GTPBP1: variants seen among roughly 807,000 people sequenced by gnomAD.
GTPBP1 encodes GTP binding protein 1.
A neutral mutation model predicts 62.0 loss-of-function variants in GTPBP1; 23 were observed. The ratio of observed to expected loss-of-function variants is 0.37; its 90% CI spans 0.27 to 0.53. The LOEUF (loss-of-function observed/expected upper bound fraction) is 0.53. GTPBP1 is among the 20% of genes least tolerant of loss of function. GTPBP1 has a pLI of 0.89. For missense variants in GTPBP1, 640 were observed against 917.3 expected (o/e 0.70, Z 3.90); for synonymous variants, 344 against 364.4 (o/e 0.94, Z 0.64).
downstream of GTPBP1, chr22:38,741,134 CTT>C: frequency 2.0e-6 from 3 of 1,464,292 alleles, no homozygotes; most frequent in East Asian, 2.5e-5. Context: ...CTGTTAGCGT[CTT>C]TGCTTAACCA....
chr22:38,742,503 G>T, downstream of GTPBP1: 1 of 1,613,438 alleles, frequency 6.2e-7, no homozygotes, highest in Non-Finnish European at 8.5e-7. Context: ...AGCAGCAAGA[G>T]CTTCCAGACG....
downstream of GTPBP1, chr22:38,738,253 C>G (rs2092824337): frequency 6.2e-7 from 1 of 1,613,658 alleles, no homozygotes; most frequent in Non-Finnish European, 8.5e-7. This position sits in a 1 kb window ranked among gnomAD's most constrained non-coding sequence, Gnocchi z 6.6. Context: ...TGCTGCAGGT[C>G]TTCGTCAAAC....
At position 38,726,235 on chromosome 22, in the gene GTPBP1, G is replaced by T; in HGVS notation, c.1219-23G>T. The T allele has an allele frequency of 6.2e-7, 1 of 1,613,384 alleles. No individual in the cohort carries two copies. Among genetic ancestry groups the T allele is most frequent in the Non-Finnish European group, 8.5e-7 (1 of 1,179,526 alleles). The stretch of plus-strand genomic sequence containing the variant: ...GTCTGTGCTGGGGATGCACTTATGA[G>T]GCCAGGGTCTTCTCCTTGGCAGGGT... On this transcript the variant is annotated intron_variant, in intron 7 of 11. Coordinates refer to ENST00000216044, the MANE Select transcript of GTPBP1 (RefSeq NM_004286.5). This position sits in a 1 kb window ranked among gnomAD's most constrained non-coding sequence, Gnocchi z 4.1.
In GTPBP1 at chr22:38,724,419, G is replaced by A. The variant is rs755732776; in HGVS notation, c.1073+8G>A. On this transcript the variant is annotated splice_region_variant and intron_variant, in intron 6 of 11. Transcript: ENST00000216044. ...CAACTTCAGCTCTGAAAGGTAACGC[G>A]TGGGGAGCGCACACTTCAGACAGGC... The A allele has an allele frequency of 1.3e-5, 20 of 1,526,020 alleles. No individual in the cohort carries two copies. The South Asian group carries it at 1.3e-4, about 10-fold the overall frequency. 94.5% of individuals were successfully genotyped at this position (1,526,020 alleles called of 1,614,324 possible). A position where few individuals can be genotyped will look rare whatever the true frequency, so the allele number is the denominator to read the frequency against.
downstream of GTPBP1, chr22:38,742,623 C>A: frequency 6.6e-7 from 1 of 1,525,280 alleles, no homozygotes; most frequent in Non-Finnish European, 8.9e-7. Context: ...AAAGACCACC[C>A]CGACACAGCC....
In GTPBP1 at chr22:38,730,835, C is replaced by A; in HGVS notation, c.*131C>A. 1 of 571,132 alleles carries A rather than the reference C, an allele frequency of 1.8e-6. No individual in the cohort carries two copies. Among genetic ancestry groups the A allele is most frequent in the Non-Finnish European group, 3.1e-6 (1 of 327,282 alleles). 35.4% of individuals were successfully genotyped at this position (571,132 alleles called of 1,614,324 possible). On this transcript the variant is annotated 3_prime_UTR_variant, in exon 12 of 12. Transcript: ENST00000216044. The surrounding 1 kb of genome is among the most constrained non-coding windows in gnomAD (Gnocchi z 5.6). ...GCCACAGCCGGAGCCTCCGCATTGC[C>A]CCCACCCCCATTTTCCAGGGGGGTT... is the stretch of plus-strand genomic sequence containing the variant.
intron 4 of GTPBP1, among the ~76,000 whole-genome samples, chr22:38,720,680 C>T (rs1010485587): frequency 6.6e-6 from 1 of 152,206 alleles, no homozygotes; most frequent in African/African-American, 2.4e-5. Context: ...ATTTATGTAA[C>T]CAGTCCTTAC....
rs992595275 is a variant in GTPBP1 at position 38,726,500 on chromosome 22, G to C, written c.1401+60G>C. 16 of 1,428,728 alleles carry C rather than the reference G, an allele frequency of 1.1e-5. No homozygotes were observed. The African/African-American group carries it at 1.4e-4, about 12-fold the overall frequency. 88.5% of individuals were successfully genotyped at this position (1,428,728 alleles called of 1,614,324 possible). A position where few individuals can be genotyped will look rare whatever the true frequency, so the allele number is the denominator to read the frequency against. ...CTCCATCATGCTAGGCTCTTGGCCA[G>C]ATGCCCTGCTCACCCACTCTAGTCC... is the stretch of plus-strand genomic sequence containing the variant. On this transcript the variant is annotated intron_variant, in intron 8 of 11. Coordinates refer to ENST00000216044, the MANE Select transcript of GTPBP1 (RefSeq NM_004286.5). The surrounding 1 kb of genome is among the most constrained non-coding windows in gnomAD (Gnocchi z 4.1).
At chr22:38,740,933 G>C, downstream of GTPBP1, 2 of 1,454,338 alleles carry the variant, frequency 1.4e-6, no homozygotes, top group Non-Finnish European at 1.9e-6. This position sits in a 1 kb window ranked among gnomAD's most constrained non-coding sequence, Gnocchi z 4.8. Context: ...CTGCGGCTCT[G>C]CTCCCCAGTC....
At chr22:38,738,797 A>G (rs1215630987), downstream of GTPBP1, 1 of 1,604,614 alleles carries the variant, frequency 6.2e-7, no homozygotes, top group Non-Finnish European at 8.5e-7. This position sits in a 1 kb window ranked among gnomAD's most constrained non-coding sequence, Gnocchi z 6.6. Flanking sequence ...CCCTGAGTCC[A>G]GCTCTTGCTG....
chr22:38,708,961 G>A lies in GTPBP1; in HGVS notation c.304+5G>A. ...ATGTCATTGGGCAGGGATCAGGTGA[G>A]CATAGTTTTCCTTTCACTTTATTTT... On this transcript the variant is annotated splice_donor_5th_base_variant and intron_variant, in intron 2 of 11. Transcript: ENST00000216044. 1 of 1,504,016 alleles carries A rather than the reference G, an allele frequency of 6.6e-7. No homozygotes were observed. The highest frequency in any genetic ancestry group is 9.3e-7 in the Non-Finnish European group (1 of 1,079,252). 93.2% of individuals were successfully genotyped at this position (1,504,016 alleles called of 1,614,324 possible). A position where few individuals can be genotyped will look rare whatever the true frequency, so the allele number is the denominator to read the frequency against.
chr22:38,742,242 C>T (rs1431192012), downstream of GTPBP1: 2 of 1,527,378 alleles, frequency 1.3e-6, no homozygotes, highest in African/African-American at 1.4e-5. Flanking sequence ...CTGCTGGGCA[C>T]CTTCACGCTT....
chr22:38,734,926 A>C, downstream of GTPBP1: 1 of 273,772 alleles, frequency 3.7e-6, no homozygotes, highest in South Asian at 3.3e-5. Flanking sequence ...TCAGTGCTGC[A>C]GTGAAGGCCT....
chr22:38,726,654 A>T lies in GTPBP1; in HGVS notation c.1401+214A>T, dbSNP rs190886518. 1.7e-4 allele frequency among the ~76,000 whole-genome samples: 26 copies of T among 152,276 alleles called. No homozygotes were observed. Among genetic ancestry groups the T allele is most frequent in the Admixed American group, 1.5e-3 (23 of 15,304 alleles). ...GCTAGAGCGAGGAATGCCTCCTTCT[A>T]AGCTCCGTTCCTCCCTCTGGTGCCT... On this transcript the variant is annotated intron_variant, in intron 8 of 11. Coordinates refer to ENST00000216044, the MANE Select transcript of GTPBP1 (RefSeq NM_004286.5). This position sits in a 1 kb window ranked among gnomAD's most constrained non-coding sequence, Gnocchi z 4.1.
chr22:38,739,275 TA>T, downstream of GTPBP1: 1 of 1,531,300 alleles, frequency 6.5e-7, no homozygotes, highest in Non-Finnish European at 9.0e-7. This position sits in a 1 kb window ranked among gnomAD's most constrained non-coding sequence, Gnocchi z 6.7. Context: ...ACCAACCTGG[TA>T]GATGCCAGGG....
downstream of GTPBP1, chr22:38,738,056 A>G (rs756705454): frequency 3.3e-6 from 3 of 905,564 alleles, no homozygotes; most frequent in Non-Finnish European, 3.7e-6. This position sits in a 1 kb window ranked among gnomAD's most constrained non-coding sequence, Gnocchi z 6.6. Context: ...GCTGTGGGAA[A>G]GGAGAGCAGG....
chr22:38,706,434 C>T (rs965065730), intron 1 of GTPBP1: 8 of 267,828 alleles, frequency 3.0e-5, no homozygotes, highest in Non-Finnish European at 2.8e-5. Context: ...CCACGTGGAA[C>T]GGGGGCGCCC....
downstream of GTPBP1, chr22:38,738,477 T>C (rs762100180): frequency 6.9e-6 from 10 of 1,439,956 alleles, no homozygotes; most frequent in Admixed American, 2.0e-5. The surrounding 1 kb of genome is among the most constrained non-coding windows in gnomAD (Gnocchi z 6.6). Flanking sequence ...CTCTTCCAAA[T>C]CCACTCCCCT....
chr22:38,740,981 C>T (rs573480958), downstream of GTPBP1: 100 of 1,579,500 alleles, frequency 6.3e-5, no homozygotes, highest in Non-Finnish European at 7.8e-5. The surrounding 1 kb of genome is among the most constrained non-coding windows in gnomAD (Gnocchi z 4.8). Flanking sequence ...AGGAGCAGGC[C>T]GAGGCCAGCT....
Sources: gnomAD v4.1 joint callset for allele counts (sites outside exome capture counted in the v4.1 genomes callset) on GRCh38, gnomAD v4.1.1 for gene constraint, Gnocchi (gnomAD v3.1) non-coding constraint, MANE v1.5 for transcripts, NCBI Gene and HGNC (gene_info 2026-07-23, HGNC 2026-07-21) for gene names.